The following PTPRD variants were observed in gnomAD, a reference collection of about 807,000 sequenced individuals.
The protein encoded by PTPRD is protein tyrosine phosphatase receptor type D.
PTPRD carries 34 observed loss-of-function variants against 214.5 expected under a neutral mutation model. The ratio of observed to expected loss-of-function variants is 0.16; its 90% CI spans 0.12 to 0.21. PTPRD has a LOEUF of 0.21. PTPRD is among the 10% of genes least tolerant of loss of function. The probability of loss-of-function intolerance (pLI) is 1.00; values close to 1 mark genes in which losing one functional copy is unlikely to be tolerated. For missense variants in PTPRD, 2,545 were observed against 2,398.7 expected, an observed-to-expected ratio of 1.06 and a Z score of -1.27; for synonymous variants, 1,128 against 845.7, an observed-to-expected ratio of 1.33 and a Z score of -5.79.
intron 3 of PTPRD, among the ~76,000 whole-genome samples, chr9:10,123,970 A>C (rs536701974): frequency 8.5e-4 from 130 of 152,310 alleles, no homozygotes; most frequent in African/African-American, 2.9e-3. Context: ...ACAATTTGCC[A>C]AACAATGTAG....
intron 7 of PTPRD, among the ~76,000 whole-genome samples, chr9:9,616,178 C>A (rs567302539): frequency 6.6e-6 from 1 of 152,212 alleles, no homozygotes; most frequent in African/African-American, 2.4e-5. Context: ...CGATAACATA[C>A]AGAGGTCTCG....
chr9:10,418,010 C>T (rs771170500), intron 2 of PTPRD, among the ~76,000 whole-genome samples: 12 of 149,464 alleles, frequency 8.0e-5, no homozygotes, highest in Non-Finnish European at 1.0e-4. Flanking sequence ...TCTCCTAAAG[C>T]AGAAAAAAAG....
At chr9:8,393,624 G>C (rs934603142) in intron 36 of PTPRD, among the ~76,000 whole-genome samples, 1 of 152,020 alleles carries the variant, frequency 6.6e-6, no homozygotes, top group Non-Finnish European at 1.5e-5. Flanking sequence ...TCTTTCCTAG[G>C]AGTCCATGGC....
chr9:10,370,054 C>T (rs1462717828), intron 2 of PTPRD, among the ~76,000 whole-genome samples: 1 of 151,964 alleles, frequency 6.6e-6, no homozygotes, highest in Non-Finnish European at 1.5e-5. Flanking sequence ...GAAACTGGGA[C>T]AGAGAAAGAT....
chr9:10,461,208 G>A lies in PTPRD; in HGVS notation c.-599-120191C>T, dbSNP rs926341052. Among the ~76,000 whole-genome samples, 3 of 148,322 alleles carry A rather than the reference G, an allele frequency of 2.0e-5. No individual in the cohort carries two copies. In the South Asian group the frequency reaches 6.6e-4, roughly 33 times the overall value. ...CTCTATATATCCTCATAACTGTTAG[G>A]ATAACTATTATAAAAAAGATAAGAG... On this transcript the variant is annotated intron_variant, in intron 2 of 45. Coordinates refer to ENST00000381196, the MANE Select transcript of PTPRD (RefSeq NM_002839.4).
chr9:9,487,458 C>T (rs1379469538), intron 8 of PTPRD, among the ~76,000 whole-genome samples: 1 of 152,226 alleles, frequency 6.6e-6, no homozygotes, highest in East Asian at 1.9e-4. Context: ...TCCAGTCTAT[C>T]ATTGTTGGAT....
At chr9:9,912,828 T>G (rs962056658) in intron 5 of PTPRD, among the ~76,000 whole-genome samples, 4 of 152,208 alleles carry the variant, frequency 2.6e-5, no homozygotes, top group African/African-American at 9.6e-5. Flanking sequence ...ACTGAGAATA[T>G]TGCAAGAGTT....
chr9:10,578,244 G>T lies in PTPRD; in HGVS notation c.-600+34154C>A, dbSNP rs868653190. ...GTATTTCACTGAGGGTTTCTCGAAT[G>T]TCTCCTAAATTTTCTAAACACAATT... On this transcript the variant is annotated intron_variant, in intron 2 of 45. Transcript: ENST00000381196. Among the ~76,000 whole-genome samples the T allele has an allele frequency of 3.3e-5, 5 of 152,130 alleles. No homozygotes were observed. In the South Asian group the frequency reaches 8.3e-4, roughly 25 times the overall value.
At chr9:9,762,507 A>T (rs980270158) in intron 6 of PTPRD, among the ~76,000 whole-genome samples, 4 of 152,152 alleles carry the variant, frequency 2.6e-5, no homozygotes, top group African/African-American at 9.7e-5. Flanking sequence ...TACCATAGCA[A>T]TCAAGAGGGA....
At chr9:9,864,731 C>G (rs1334906911) in intron 5 of PTPRD, among the ~76,000 whole-genome samples, 1 of 152,048 alleles carries the variant, frequency 6.6e-6, no homozygotes, top group East Asian at 1.9e-4. Context: ...GTTGCCTAGG[C>G]TTGAACTGCT....
intron 14 of PTPRD, among the ~76,000 whole-genome samples, chr9:8,566,234 G>A (rs1272966423): frequency 1.3e-5 from 2 of 151,346 alleles, no homozygotes; most frequent in Admixed American, 6.6e-5. Flanking sequence ...GGTGTATGTA[G>A]GAGAACTGCT....
intron 7 of PTPRD, among the ~76,000 whole-genome samples, chr9:9,601,561 T>C (rs930382350): frequency 6.6e-6 from 1 of 152,116 alleles, no homozygotes; most frequent in African/African-American, 2.4e-5. Flanking sequence ...GAGTTAGAGA[T>C]ATTTAGATCA....
Position 8,607,568 on chromosome 9 carries a change from G to C in PTPRD, c.352+25749C>G, listed in dbSNP as rs761291481. Among the ~76,000 whole-genome samples, 58 of 152,232 alleles carry C rather than the reference G, an allele frequency of 3.8e-4. 1 individual carries two copies. The Middle Eastern group carries it at 0.01, about 27-fold the overall frequency. ...TGAGGCAGGAGAATTGCTTGAGCCC[G>C]GGAGGGAGAAGTTGCACTGAGCCAA... is the stretch of plus-strand genomic sequence containing the variant. On this transcript the variant is annotated intron_variant, in intron 14 of 45. Coordinates refer to ENST00000381196, the MANE Select transcript of PTPRD (RefSeq NM_002839.4).
At chr9:10,170,157 T>C (rs2099191848) in intron 3 of PTPRD, among the ~76,000 whole-genome samples, 2 of 152,158 alleles carry the variant, frequency 1.3e-5, no homozygotes, top group African/African-American at 4.8e-5. Context: ...CAGGCAGCAC[T>C]GGACAAAACT....
chr9:9,497,693 T>C (rs896475074), intron 8 of PTPRD, among the ~76,000 whole-genome samples: 1 of 152,102 alleles, frequency 6.6e-6, no homozygotes, highest in Non-Finnish European at 1.5e-5. Flanking sequence ...TTTATAGAGA[T>C]ATAATTACCA....
At chr9:9,468,118 GT>G in intron 8 of PTPRD, among the ~76,000 whole-genome samples, 1 of 152,020 alleles carries the variant, frequency 6.6e-6, no homozygotes, top group Non-Finnish European at 1.5e-5. Flanking sequence ...CCTACTGTTA[GT>G]TTCCTCTTTC....
At chr9:9,807,104 T>C (rs1020055898) in intron 5 of PTPRD, among the ~76,000 whole-genome samples, 7 of 152,158 alleles carry the variant, frequency 4.6e-5, no homozygotes, top group Non-Finnish European at 7.4e-5. Flanking sequence ...TGCTCTAAAA[T>C]CTTTTAATAA....
chr9:9,742,885 A>C (rs1184624530), intron 6 of PTPRD, among the ~76,000 whole-genome samples: 1 of 152,146 alleles, frequency 6.6e-6, no homozygotes, highest in Non-Finnish European at 1.5e-5. Flanking sequence ...TATTGTTGTT[A>C]TGCATACTCA....
intron 11 of PTPRD, among the ~76,000 whole-genome samples, chr9:8,770,116 A>G (rs996168891): frequency 2.0e-5 from 3 of 151,992 alleles, no homozygotes; most frequent in South Asian, 2.1e-4. Context: ...CCTCGTCTCT[A>G]CCAAAAAACA....
Sources: gnomAD v4.1 joint callset for allele counts (sites outside exome capture counted in the v4.1 genomes callset) on GRCh38, gnomAD v4.1.1 for gene constraint, MANE v1.5 for transcripts, NCBI Gene and HGNC (gene_info 2026-07-23, HGNC 2026-07-21) for gene names.